LDB2: variants seen among roughly 807,000 people sequenced by gnomAD.
LDB2 encodes the protein LIM domain binding 2.
LDB2 carries 12 observed loss-of-function variants against 44.3 expected under a neutral mutation model. That is an observed-to-expected ratio of 0.27 (90% CI 0.17 to 0.44). LDB2 has a LOEUF of 0.44. Among genes scored for constraint, LDB2 ranks in the 20% least tolerant of loss-of-function variants. The pLI, the probability that LDB2 is intolerant of heterozygous loss-of-function variation, is 1.00. For synonymous variants in LDB2, 164 were observed against 174.8 expected (o/e 0.94, Z 0.49); for missense variants, 344 against 473.5 (o/e 0.73, Z 2.54).
At chr4:16,607,734 G>A (rs886481017) in intron 2 of LDB2, among the ~76,000 whole-genome samples, 1 of 152,164 alleles carries the variant, frequency 6.6e-6, no homozygotes, top group Non-Finnish European at 1.5e-5. Context: ...TTCAGTGACT[G>A]TAGTTCCCTG....
At position 16,595,823 on chromosome 4, in the gene LDB2, C is replaced by G. The variant is rs1010956742; in HGVS notation, c.288G>C (p.Gly96=). 6.2e-7 allele frequency: 1 copy of G among 1,613,506 alleles called. No individual in the cohort carries two copies. The highest frequency in any genetic ancestry group is 1.1e-5 in the South Asian group (1 of 91,012). ...PRYFSTVFEG[G]VTDLYYILKH... is the part of the protein sequence containing the mutation. ...TGAGAATGTAATACAGGTCGGTCAC[C>G]CCTCCTTCAAACACAGTGCTAAAGT... Residue 96 remains glycine (G), a synonymous_variant, in exon 3 of 8, where the codon GGG becomes GGC. Transcript: ENST00000304523.
Position 16,533,800 on chromosome 4 carries a change from C to G in LDB2, c.616-21696G>C, listed in dbSNP as rs1730890635. 6.6e-6 allele frequency among the ~76,000 whole-genome samples: 1 copy of G among 152,122 alleles called. No homozygotes were observed. Among genetic ancestry groups the G allele is most frequent in the Non-Finnish European group, 1.5e-5 (1 of 68,024 alleles). On this transcript the variant is annotated intron_variant, in intron 5 of 7. Coordinates refer to ENST00000304523, the MANE Select transcript of LDB2 (RefSeq NM_001290.5). The surrounding 1 kb of genome is among the most constrained non-coding windows in gnomAD (Gnocchi z 4.1). ...GGTGAAATTTTTAATTAAATGTATT[C>G]AAAGGGAATACAGATTAATGCCTCT...
chr4:16,570,498 A>AAAAAAAAAAAAAAAAAAT (rs1746110366), intron 5 of LDB2, among the ~76,000 whole-genome samples: 1 of 143,622 alleles, frequency 7.0e-6, no homozygotes, highest in Non-Finnish European at 1.5e-5. Context: ...AAAAAAAAAA[A>AAAAAAAAAAAAAAAAAAT]AAAAAAGTTT....
intron 1 of LDB2, among the ~76,000 whole-genome samples, chr4:16,847,605 G>GTTTGTTTGTTTA (rs1186402971): frequency 7.7e-6 from 1 of 130,526 alleles, no homozygotes; most frequent in Non-Finnish European, 1.7e-5. Context: ...ATGTTTGTTT[G>GTTTGTTTGTTTA]TTTGTTTGTT....
chr4:16,524,353 G>A lies in LDB2; in HGVS notation c.616-12249C>T, dbSNP rs547039377. Among the ~76,000 whole-genome samples the A allele has an allele frequency of 1.1e-4, 17 of 152,324 alleles. No individual in the cohort carries two copies. In the South Asian group the frequency reaches 3.1e-3, roughly 28 times the overall value. On this transcript the variant is annotated intron_variant, in intron 5 of 7. Transcript: ENST00000304523. ...AATAAAGAAGGGCAAAGCGTGTCAG[G>A]AAGGGCTGCCTGAGGAATCGATATT...
intron 1 of LDB2, among the ~76,000 whole-genome samples, chr4:16,782,486 T>C (rs1436673982): frequency 6.6e-6 from 1 of 151,914 alleles, no homozygotes; most frequent in South Asian, 2.1e-4. Context: ...AGGTAGCTGG[T>C]ATTACAGGTG....
chr4:16,702,413 CCAG>C (rs757310745), intron 2 of LDB2, among the ~76,000 whole-genome samples: 21 of 152,188 alleles, frequency 1.4e-4, no homozygotes, highest in Non-Finnish European at 2.9e-4. Context: ...AACAGGGACA[CCAG>C]CCTGAATCAC....
At chr4:16,897,136 G>A (rs1164930832) in intron 1 of LDB2, among the ~76,000 whole-genome samples, 2 of 152,164 alleles carry the variant, frequency 1.3e-5, no homozygotes, top group Non-Finnish European at 2.9e-5. Flanking sequence ...TACACGAAAC[G>A]TCATGAATTC....
At chr4:16,645,151 A>T (rs1392464348) in intron 2 of LDB2, among the ~76,000 whole-genome samples, 6 of 152,252 alleles carry the variant, frequency 3.9e-5, no homozygotes, top group Non-Finnish European at 7.3e-5. Flanking sequence ...CAAAAGATCA[A>T]GTCCCGAGGA....
chr4:16,620,483 G>C (rs1259550488), intron 2 of LDB2, among the ~76,000 whole-genome samples: 1 of 152,092 alleles, frequency 6.6e-6, no homozygotes, highest in Non-Finnish European at 1.5e-5. Context: ...AATCAATAGA[G>C]AAATGAGTGT....
At chr4:16,603,776 C>T (rs1323754263) in intron 2 of LDB2, among the ~76,000 whole-genome samples, 2 of 152,134 alleles carry the variant, frequency 1.3e-5, no homozygotes, top group Non-Finnish European at 2.9e-5. Flanking sequence ...AAGTTGGCAT[C>T]TTTAAAATAT....
chr4:16,522,812 T>C (rs1227978531), intron 5 of LDB2, among the ~76,000 whole-genome samples: 2 of 152,244 alleles, frequency 1.3e-5, no homozygotes, highest in Admixed American at 6.5e-5. Context: ...GCAGCATCTC[T>C]AAATTCTAAG....
chr4:16,765,765 C>T (rs1579456021), intron 1 of LDB2, among the ~76,000 whole-genome samples: 1 of 152,260 alleles, frequency 6.6e-6, no homozygotes, highest in South Asian at 2.1e-4. Context: ...AGTCTTCTCT[C>T]TGTCACATCA....
At chr4:16,772,562 T>A (rs1259589120) in intron 1 of LDB2, among the ~76,000 whole-genome samples, 1 of 152,234 alleles carries the variant, frequency 6.6e-6, no homozygotes, top group Non-Finnish European at 1.5e-5. Context: ...TTCACTTTAA[T>A]GTTTTAAATA....
intron 2 of LDB2, among the ~76,000 whole-genome samples, chr4:16,718,699 G>C (rs1005272589): frequency 3.3e-5 from 5 of 152,038 alleles, no homozygotes; most frequent in Admixed American, 6.6e-5. Context: ...ACAAACCCTC[G>C]CATAAGAGCT....
intron 2 of LDB2, among the ~76,000 whole-genome samples, chr4:16,661,714 G>A (rs1027357095): frequency 2.0e-5 from 3 of 152,104 alleles, no homozygotes; most frequent in Non-Finnish European, 2.9e-5. Context: ...AGGACTTAGG[G>A]CCCAGGCATC....
chr4:16,711,719 A>G (rs1051208219), intron 2 of LDB2, among the ~76,000 whole-genome samples: 6 of 152,242 alleles, frequency 3.9e-5, no homozygotes, highest in Non-Finnish European at 7.3e-5. Flanking sequence ...TAAAGACAGT[A>G]TGGTTCCAAC....
At chr4:16,897,909 T>TATATATATATATATATATATATACAC (rs1725597501) in intron 1 of LDB2, among the ~76,000 whole-genome samples, 3 of 14,848 alleles carry the variant, frequency 2.0e-4, no homozygotes, top group Non-Finnish European at 3.0e-4. Flanking sequence ...TATATATATA[T>TATATATATATATATATATATATACAC]ATATATATAT....
At chr4:16,767,058 G>A (rs1238763302) in intron 1 of LDB2, among the ~76,000 whole-genome samples, 1 of 152,054 alleles carries the variant, frequency 6.6e-6, no homozygotes, top group African/African-American at 2.4e-5. Context: ...CTATATTTTG[G>A]TCCTTTCATT....
Sources: allele counts gnomAD v4.1 joint callset (sites outside exome capture counted in the v4.1 genomes callset), GRCh38; gene constraint gnomAD v4.1.1; non-coding constraint Gnocchi (gnomAD v3.1); transcripts MANE v1.5; gene names NCBI Gene and HGNC (gene_info 2026-07-23, HGNC 2026-07-21).